CHRNE: variants seen among roughly 807,000 people sequenced by gnomAD.
CHRNE encodes cholinergic receptor nicotinic epsilon subunit.
A neutral mutation model predicts 56.5 loss-of-function variants in CHRNE; 58 were observed. The ratio of observed to expected loss-of-function variants is 1.03; its 90% CI spans 0.83 to 1.28. The LOEUF is 1.28. Among genes scored for constraint, CHRNE ranks in the 50% most tolerant of loss-of-function variants. The probability of loss-of-function intolerance (pLI) is 0.00; values close to 1 mark genes in which losing one functional copy is unlikely to be tolerated. For missense variants in CHRNE, 793 were observed against 688.9 expected, an observed-to-expected ratio of 1.15 and a Z score of -1.69; for synonymous variants, 385 against 297.9, an observed-to-expected ratio of 1.29 and a Z score of -3.01.
At position 4,902,553 on chromosome 17, in the gene CHRNE, G is replaced by T; in HGVS notation, c.190-59C>A. On this transcript the variant is annotated intron_variant, in intron 2 of 11. Coordinates refer to ENST00000649488, the MANE Select transcript of CHRNE (RefSeq NM_000080.4). The surrounding 1 kb of genome is among the most constrained non-coding windows in gnomAD (Gnocchi z 4.0). ...ATTTCAGGGCCAGAAGTGAGCTTTA[G>T]GACAGAGCTCAGCGGTTGGGGCCAG... The T allele has an allele frequency of 6.2e-7, 1 of 1,613,794 alleles. No individual in the cohort carries two copies. Among genetic ancestry groups the T allele is most frequent in the South Asian group, 1.1e-5 (1 of 91,074 alleles).
At chr17:4,900,505 C>CGGTGAGCTCAGGACACGG (rs1398933093) in intron 8 of CHRNE, 14 of 1,550,828 alleles carry the variant, frequency 9.0e-6, no homozygotes, top group Admixed American at 3.9e-5. Flanking sequence ...CCCGGAGAAC[C>CGGTGAGCTCAGGACACGG]GGTGAGCTCA....
chr17:4,899,953 G>T (rs753823312), intron 8 of CHRNE: 8 of 1,550,910 alleles, frequency 5.2e-6, no homozygotes, highest in Middle Eastern at 1.7e-4. Context: ...TCCAGCCCCC[G>T]CTTCTGTCTT....
rs766798452 is a variant in CHRNE at position 4,902,030 on chromosome 17, G to A, written c.402C>T (p.Gly134=). ...YDANVLVYEG[G]SVTWLPPAIY... ...TGGCCGGAGGCAGCCACGTCACGGA[G>A]CCGCCCTCGTAGACGAGCACGTTGG... Residue 134 remains glycine (G), a synonymous_variant, in exon 5 of 12, where the codon GGC becomes GGT. Coordinates refer to ENST00000649488, the MANE Select transcript of CHRNE (RefSeq NM_000080.4). This position sits in a 1 kb window ranked among gnomAD's most constrained non-coding sequence, Gnocchi z 4.0. 1.2e-6 allele frequency: 2 copies of A among 1,614,006 alleles called. No homozygotes were observed. The highest frequency in any genetic ancestry group is 2.2e-5 in the East Asian group (1 of 44,900).
chr17:4,904,780 G>A (rs531994266), upstream of CHRNE, among the ~76,000 whole-genome samples: 1 of 152,312 alleles, frequency 6.6e-6, no homozygotes, highest in African/African-American at 2.4e-5. Flanking sequence ...CTATGAGGTA[G>A]GTCATAATCA....
upstream of CHRNE, among the ~76,000 whole-genome samples, chr17:4,906,023 C>T (rs1490129774): frequency 6.6e-6 from 1 of 152,216 alleles, no homozygotes; most frequent in Non-Finnish European, 1.5e-5. Flanking sequence ...GTCAGCACTG[C>T]CCATTCCCCC....
At position 4,898,878 on chromosome 17, in the gene CHRNE, C is replaced by T. The variant is rs1259017992; in HGVS notation, c.1340G>A (p.Trp447Ter). Residue 447 changes from tryptophan to a stop codon, truncating the protein, a stop_gained, in exon 12 of 12, where the codon TGG becomes TAG. Transcript: ENST00000649488. LOFTEE classifies it high-confidence loss of function. ...GTCAAGGGCATTCCCCATGCGCACC[C>T]AGTCGGACACTTCCTGGGGAAGGGT... ...QEATGEEVSDWVRMGNALDNI... is the reference protein window; with the variant it reads ...QEATGEEVSD 1.3e-6 allele frequency: 2 copies of T among 1,581,704 alleles called. No homozygotes were observed. The highest frequency in any genetic ancestry group is 1.3e-5 in the African/African-American group (1 of 74,576).
intron 5 of CHRNE, 115 bp downstream of exon 5, chr17:4,901,817 T>C (rs1969995836): frequency 6.8e-7 from 1 of 1,478,838 alleles, no homozygotes; most frequent in Non-Finnish European, 9.4e-7. Flanking sequence ...TGCCTACGCC[T>C]GGCTCCGCCT....
upstream of CHRNE, among the ~76,000 whole-genome samples, chr17:4,903,345 C>T (rs1970044174): frequency 6.6e-6 from 1 of 152,178 alleles, no homozygotes; most frequent in Non-Finnish European, 1.5e-5. Flanking sequence ...TGAGAGGCAC[C>T]TGCAACCACA....
At chr17:4,900,247 T>C in intron 8 of CHRNE, 4 of 1,547,210 alleles carry the variant, frequency 2.6e-6, no homozygotes, top group Non-Finnish European at 3.5e-6. Flanking sequence ...ATCTCAGCCC[T>C]GTGGCTGCAG....
chr17:4,901,150 G>T lies in CHRNE; in HGVS notation c.642C>A (p.Ile214=). 9.9e-6 allele frequency: 16 copies of T among 1,610,630 alleles called. No individual in the cohort carries two copies. The highest frequency in any genetic ancestry group is 1.4e-5 in the Non-Finnish European group (16 of 1,179,892). The change falls in exon 7 of 12, where the codon ATC becomes ATA. Residue 214 remains isoleucine (I), a synonymous_variant. Coordinates refer to ENST00000649488, the MANE Select transcript of CHRNE (RefSeq NM_000080.4). ...EWAIDFCPGV[I]RRHHGGATDG... ...CGGTGGCGCCACCGTGGTGGCGGCG[G>T]ATCACCCCCGGGCAGAAGTCGATGG...
intron 1 of CHRNE, among the ~76,000 whole-genome samples, chr17:4,908,305 T>A (rs559685236): frequency 7.2e-5 from 11 of 152,228 alleles, no homozygotes; most frequent in Non-Finnish European, 1.5e-4. Flanking sequence ...GCCTCACACA[T>A]AGACCGCATT....
upstream of CHRNE, among the ~76,000 whole-genome samples, chr17:4,907,367 T>C (rs1970103027): frequency 6.7e-6 from 1 of 150,352 alleles, no homozygotes. Context: ...ATCAAGACCA[T>C]CCTGGCTAGC....
At position 4,899,114 on chromosome 17, in the gene CHRNE, G is replaced by C; in HGVS notation, c.1220-7C>G. On this transcript the variant is annotated splice_polypyrimidine_tract_variant and splice_region_variant and intron_variant, in intron 10 of 11. Transcript: ENST00000649488. ...AGGCTCTGGCAGAAGGCAGCTGGCG[G>C]GGAAAACACCGGGGTGGGCCTTAGG... 1 of 1,606,830 alleles carries C rather than the reference G, an allele frequency of 6.2e-7. No individual in the cohort carries two copies. Among genetic ancestry groups the C allele is most frequent in the Non-Finnish European group, 8.5e-7 (1 of 1,178,060 alleles).
At chr17:4,908,634 T>C (rs1172497997) in intron 1 of CHRNE, among the ~76,000 whole-genome samples, 1 of 152,108 alleles carries the variant, frequency 6.6e-6, no homozygotes, top group African/African-American at 2.4e-5. Flanking sequence ...ATTTTCATAA[T>C]GAAAATTCCC....
Position 4,899,855 on chromosome 17 carries a change from A to C in CHRNE, c.918-273T>G, listed in dbSNP as rs187059456. 2.1e-4 allele frequency: 327 copies of C among 1,550,716 alleles called. 2 individuals carry two copies. In the East Asian group the frequency reaches 6.3e-3, roughly 30 times the overall value. On this transcript the variant is annotated intron_variant, in intron 8 of 11. Transcript: ENST00000649488. Reference sequence around the variant, plus strand: ...TGAGGCTACGCCCGCCAAGGGCTGCACCTCGAGACCTTCTGGGTAGGTCTC... The same window carrying C: ...TGAGGCTACGCCCGCCAAGGGCTGCCCCTCGAGACCTTCTGGGTAGGTCTC...
Position 4,898,574 on chromosome 17 carries a change from G to A in CHRNE, c.*162C>T. 3.1e-6 allele frequency: 3 copies of A among 958,574 alleles called. No individual in the cohort carries two copies. Among genetic ancestry groups the A allele is most frequent in the South Asian group, 1.5e-5 (1 of 65,722 alleles). The allele number at this position is 958,574 out of a possible 1,614,324, so 59.4% of individuals were successfully genotyped here. A position where few individuals can be genotyped will look rare whatever the true frequency, so the allele number is the denominator to read the frequency against. ...CTGCTGACCCCTGGACTGCGGCCAGGCCTACACACGCCAGGGAACGGGCAC... is the reference window on the plus strand; with the variant it reads ...CTGCTGACCCCTGGACTGCGGCCAGACCTACACACGCCAGGGAACGGGCAC... On this transcript the variant is annotated 3_prime_UTR_variant, in exon 12 of 12. Coordinates refer to ENST00000649488, the MANE Select transcript of CHRNE (RefSeq NM_000080.4).
chr17:4,900,169 T>C, intron 8 of CHRNE: 1 of 1,546,430 alleles, frequency 6.5e-7, no homozygotes, highest in Non-Finnish European at 8.7e-7. Flanking sequence ...GGGCTTAGGA[T>C]ACGCGGCGAT....
Position 4,899,566 on chromosome 17 carries a change from T to G in CHRNE, c.934A>C (p.Met312Leu). 6.3e-7 allele frequency: 1 copy of G among 1,588,976 alleles called. No individual in the cohort carries two copies. Among genetic ancestry groups the G allele is most frequent in the Non-Finnish European group, 8.6e-7 (1 of 1,168,982 alleles). Residue 312 changes from methionine (M) to leucine (L), a missense_variant, in exon 9 of 12, where the codon ATG becomes CTG. Coordinates refer to ENST00000649488, the MANE Select transcript of CHRNE (RefSeq NM_000080.4). The part of the protein sequence containing the change: ...PLLGRFLIFV[M>L]VVATLIVMNC... The stretch of plus-strand genomic sequence containing the variant: ...ATGACAATGAGCGTGGCGACCACCA[T>G]GACGAAAATAAGGAACCTGAGGAGC...
chr17:4,907,424 C>T (rs1375355368), upstream of CHRNE, among the ~76,000 whole-genome samples: 32 of 151,518 alleles, frequency 2.1e-4, no homozygotes, highest in Non-Finnish European at 4.4e-4. Context: ...AAAAATTAGC[C>T]GGGCATGGTG....
Sources: gnomAD v4.1 joint callset for allele counts (sites outside exome capture counted in the v4.1 genomes callset) on GRCh38, gnomAD v4.1.1 for gene constraint, Gnocchi (gnomAD v3.1) non-coding constraint, MANE v1.5 for transcripts, NCBI Gene and HGNC (gene_info 2026-07-23, HGNC 2026-07-21) for gene names.